The following TRDN variants were observed in gnomAD, a reference collection of about 807,000 sequenced individuals.
TRDN encodes triadin in skeletal muscle.
A neutral mutation model predicts 149.7 loss-of-function variants in TRDN; 161 were observed. That is an observed-to-expected ratio of 1.08 (90% CI 0.95 to 1.23). The LOEUF is 1.23. Among genes scored for constraint, TRDN ranks in the 50% most tolerant of loss-of-function variants. TRDN has a pLI of 0.00. For missense variants in TRDN, 896 were observed against 823.5 expected (o/e 1.09, Z -1.08); for synonymous variants, 294 against 250.5 (o/e 1.17, Z -1.64).
intron 24 of TRDN, among the ~76,000 whole-genome samples, chr6:123,292,013 A>G (rs1217743860): frequency 6.6e-6 from 1 of 151,988 alleles, no homozygotes; most frequent in African/African-American, 2.4e-5. Flanking sequence ...TCAATGGGTA[A>G]TCTCATTTTG....
At chr6:123,412,875 A>T (rs1582987712) in intron 12 of TRDN, among the ~76,000 whole-genome samples, 1 of 152,160 alleles carries the variant, frequency 6.6e-6, no homozygotes, top group East Asian at 1.9e-4. Flanking sequence ...AATAAAGAAA[A>T]ATTATGTTCG....
intron 9 of TRDN, among the ~76,000 whole-genome samples, chr6:123,486,238 C>T (rs1049775181): frequency 2.7e-5 from 4 of 150,302 alleles, no homozygotes; most frequent in Non-Finnish European, 5.9e-5. Context: ...GTTTTGGGTT[C>T]TCTTGGTGTA....
At chr6:123,617,430 A>G (rs1785151223) in intron 1 of TRDN, among the ~76,000 whole-genome samples, 1 of 152,124 alleles carries the variant, frequency 6.6e-6, no homozygotes, top group African/African-American at 2.4e-5. Flanking sequence ...AGAAATAAAT[A>G]TTGCACAAGC....
At chr6:123,574,321 A>C (rs563018964) in intron 1 of TRDN, among the ~76,000 whole-genome samples, 17 of 152,160 alleles carry the variant, frequency 1.1e-4, no homozygotes. Flanking sequence ...AGATAAAAAA[A>C]ATACTTCTAA....
intron 2 of TRDN, among the ~76,000 whole-genome samples, chr6:123,564,303 T>C: frequency 6.6e-6 from 1 of 152,182 alleles, no homozygotes; most frequent in East Asian, 1.9e-4. Context: ...CAAAATGTGC[T>C]CCTTGAAAAC....
intron 2 of TRDN, among the ~76,000 whole-genome samples, chr6:123,550,116 G>T (rs1267250253): frequency 6.6e-6 from 1 of 151,988 alleles, no homozygotes; most frequent in Non-Finnish European, 1.5e-5. Context: ...ACTGAAAACA[G>T]AAACTTCAGA....
At chr6:123,541,823 T>C (rs1780850650) in intron 4 of TRDN, among the ~76,000 whole-genome samples, 1 of 152,148 alleles carries the variant, frequency 6.6e-6, no homozygotes, top group African/African-American at 2.4e-5. Flanking sequence ...ACACTTAATG[T>C]TCAGCCTGGT....
intron 5 of TRDN, among the ~76,000 whole-genome samples, chr6:123,528,003 G>A (rs1426530047): frequency 1.3e-5 from 2 of 151,796 alleles, no homozygotes; most frequent in African/African-American, 4.8e-5. Context: ...TCATTTAAAA[G>A]GCATATTCTT....
chr6:123,221,852 G>A (rs1272833025), intron 39 of TRDN, among the ~76,000 whole-genome samples: 1 of 151,668 alleles, frequency 6.6e-6, no homozygotes, highest in Non-Finnish European at 1.5e-5. Context: ...GATCTTTGAT[G>A]CTCAGAATTA....
At chr6:123,255,776 G>GT (rs888148621) in intron 36 of TRDN, 91 bp downstream of exon 36, 131 of 870,262 alleles carry the variant, frequency 1.5e-4, no homozygotes, top group Middle Eastern at 4.0e-4. Flanking sequence ...ATTTAGAAAA[G>GT]TTTTTTTTCA....
intron 7 of TRDN, among the ~76,000 whole-genome samples, chr6:123,508,685 G>T (rs374219600): frequency 1.3e-5 from 2 of 152,126 alleles, no homozygotes; most frequent in South Asian, 4.1e-4. Context: ...GACATTAAAG[G>T]TCTACTCTTC....
chr6:123,394,590 A>C (rs1772643340), intron 12 of TRDN, among the ~76,000 whole-genome samples: 1 of 152,152 alleles, frequency 6.6e-6, no homozygotes, highest in Non-Finnish European at 1.5e-5. Flanking sequence ...ATTCACATAT[A>C]TATTCAATCT....
intron 12 of TRDN, among the ~76,000 whole-genome samples, chr6:123,418,941 C>T (rs2114535443): frequency 6.6e-6 from 1 of 152,068 alleles, no homozygotes; most frequent in Non-Finnish European, 1.5e-5. Flanking sequence ...ATCCTTGCAC[C>T]AGGACGACTG....
intron 14 of TRDN, 121 bp downstream of exon 14, chr6:123,388,401 A>G: frequency 1.8e-6 from 2 of 1,119,776 alleles, no homozygotes; most frequent in South Asian, 1.4e-5. Flanking sequence ...TGCAAAATGT[A>G]TGCACATAAT....
chr6:123,227,545 G>T (rs1316191071), intron 38 of TRDN, among the ~76,000 whole-genome samples: 1 of 151,904 alleles, frequency 6.6e-6, no homozygotes, highest in Admixed American at 6.6e-5. Context: ...GAAAAGGTTA[G>T]AAGTGATATG....
At chr6:123,262,470 G>GAA (rs1776806063) in intron 33 of TRDN, among the ~76,000 whole-genome samples, 1 of 152,010 alleles carries the variant, frequency 6.6e-6, no homozygotes, top group South Asian at 2.1e-4. Flanking sequence ...TATATCAACA[G>GAA]AAAACATGAT....
At chr6:123,474,768 A>G (rs1430534420) in intron 9 of TRDN, among the ~76,000 whole-genome samples, 1 of 152,034 alleles carries the variant, frequency 6.6e-6, no homozygotes, top group African/African-American at 2.4e-5. Flanking sequence ...AGGATTAAGA[A>G]TCTCACTCAA....
intron 1 of TRDN, among the ~76,000 whole-genome samples, chr6:123,584,546 C>G (rs542814072): frequency 6.6e-6 from 1 of 151,824 alleles, no homozygotes; most frequent in Non-Finnish European, 1.5e-5. Flanking sequence ...GGAGATTAAT[C>G]GGACACGATC....
intron 12 of TRDN, among the ~76,000 whole-genome samples, chr6:123,433,162 A>ATAATATATATATATATATATATAATAT (rs796874348): frequency 1.2e-5 from 1 of 80,034 alleles, no homozygotes; most frequent in Non-Finnish European, 2.5e-5. Context: ...ATATATATAT[A>ATAATATATATATATATATATATAATAT]ATATATATAT....
Sources: allele counts gnomAD v4.1 joint callset (sites outside exome capture counted in the v4.1 genomes callset), GRCh38; gene constraint gnomAD v4.1.1; transcripts MANE v1.5; gene names NCBI Gene and HGNC (gene_info 2026-07-23, HGNC 2026-07-21).